The following KCND2 variants were observed in gnomAD, a reference collection of about 807,000 sequenced individuals.
The protein encoded by KCND2 is potassium voltage-gated channel subfamily D member 2, also known as A-type voltage-gated potassium channel KCND2.
A neutral mutation model predicts 54.4 loss-of-function variants in KCND2; 16 were observed. The observed-to-expected ratio is 0.29, with a 90% confidence interval of 0.20 to 0.45. The LOEUF (loss-of-function observed/expected upper bound fraction) is 0.45, where lower values mean the gene tolerates loss of function less well. Among genes scored for constraint, KCND2 ranks in the 20% least tolerant of loss-of-function variants. The pLI is 1.00. For missense variants in KCND2, 486 were observed against 824.2 expected, an observed-to-expected ratio of 0.59 and a Z score of 5.02; for synonymous variants, 317 against 310.7, an observed-to-expected ratio of 1.02 and a Z score of -0.21.
At chr7:120,507,771 C>G (rs1687936159) in intron 1 of KCND2, among the ~76,000 whole-genome samples, 2 of 151,818 alleles carry the variant, frequency 1.3e-5, no homozygotes, top group Admixed American at 1.3e-4. Context: ...TAACATAAAA[C>G]ACTGTTATTT....
intron 1 of KCND2, among the ~76,000 whole-genome samples, chr7:120,446,583 G>A (rs983763031): frequency 6.6e-6 from 1 of 151,428 alleles, no homozygotes; most frequent in African/African-American, 2.4e-5. Context: ...CACATACACT[G>A]ATACACTCAT....
At chr7:120,332,286 T>C (rs1800080813) in intron 1 of KCND2, among the ~76,000 whole-genome samples, 1 of 152,090 alleles carries the variant, frequency 6.6e-6, no homozygotes, top group Admixed American at 6.5e-5. Context: ...GGAATCATTT[T>C]AAAATGTTCA....
At chr7:120,467,922 G>C (rs1458988679) in intron 1 of KCND2, among the ~76,000 whole-genome samples, 3 of 152,034 alleles carry the variant, frequency 2.0e-5, no homozygotes, top group Non-Finnish European at 4.4e-5. Flanking sequence ...TACTTCTGTA[G>C]TATTTTTGTA....
chr7:120,525,707 T>A (rs1791763724), intron 1 of KCND2, among the ~76,000 whole-genome samples: 1 of 152,184 alleles, frequency 6.6e-6, no homozygotes, highest in African/African-American at 2.4e-5. Flanking sequence ...GAACACAATG[T>A]GCCTAGCGTA....
At chr7:120,326,605 T>C (rs1470094791) in intron 1 of KCND2, among the ~76,000 whole-genome samples, 2 of 152,114 alleles carry the variant, frequency 1.3e-5, no homozygotes, top group Non-Finnish European at 2.9e-5. Context: ...AAGAAAGTTG[T>C]GCAGATAATT....
intron 1 of KCND2, among the ~76,000 whole-genome samples, chr7:120,318,150 T>A (rs1799840845): frequency 6.6e-6 from 1 of 152,104 alleles, no homozygotes; most frequent in Non-Finnish European, 1.5e-5. Flanking sequence ...TGGCTTCAGT[T>A]CTCACATCTA....
chr7:120,287,702 A>G (rs1449175156), intron 1 of KCND2, among the ~76,000 whole-genome samples: 1 of 151,984 alleles, frequency 6.6e-6, no homozygotes, highest in Non-Finnish European at 1.5e-5. Flanking sequence ...AAAATACACA[A>G]GCATGGTGGA....
intron 1 of KCND2, among the ~76,000 whole-genome samples, chr7:120,619,926 C>T (rs1242788609): frequency 2.0e-5 from 3 of 152,016 alleles, no homozygotes; most frequent in Non-Finnish European, 2.9e-5. Context: ...TCCCTAGTCA[C>T]GATGGTATGT....
chr7:120,557,109 A>G (rs1248055760), intron 1 of KCND2, among the ~76,000 whole-genome samples: 1 of 152,124 alleles, frequency 6.6e-6, no homozygotes, highest in Non-Finnish European at 1.5e-5. Context: ...TTATCAAAAC[A>G]TTTTGTGTGT....
intron 1 of KCND2, among the ~76,000 whole-genome samples, chr7:120,502,066 T>C (rs1467906431): frequency 6.6e-6 from 1 of 152,084 alleles, no homozygotes; most frequent in Non-Finnish European, 1.5e-5. Context: ...CTAATGCCTC[T>C]TTAAAATTTA....
At position 120,747,900 on chromosome 7, in the gene KCND2, T is replaced by G. The variant is rs1172299110; in HGVS notation, c.*42T>G. 6.9e-7 allele frequency: 1 copy of G among 1,440,638 alleles called. No homozygotes were observed. Among genetic ancestry groups the G allele is most frequent in the African/African-American group, 1.4e-5 (1 of 71,350 alleles). The allele number at this position is 1,440,638 out of a possible 1,614,324, so 89.2% of individuals were successfully genotyped here. A position where few individuals can be genotyped will look rare whatever the true frequency, so the allele number is the denominator to read the frequency against. On this transcript the variant is annotated 3_prime_UTR_variant, in exon 6 of 6. Transcript: ENST00000331113. Reference sequence around the variant, plus strand: ...TCTAAGAGAATTCGAGCCCTGGCTGTGAAAAGAATCTCAACATAGAAGAAA... The same window carrying G: ...TCTAAGAGAATTCGAGCCCTGGCTGGGAAAAGAATCTCAACATAGAAGAAA...
rs77887062 is a variant in KCND2, at chr7:120,522,316, A to G, written c.1116-210587A>G. Among the ~76,000 whole-genome samples the G allele has an allele frequency of 2.1e-3, 321 of 152,310 alleles. 5 individuals carry two copies. The East Asian group carries it at 0.054, about 26-fold the overall frequency. On this transcript the variant is annotated intron_variant, in intron 1 of 5. Transcript: ENST00000331113. ...TAATCTACCCAGTTGGACACAAAGTACAGTATTAGAAAACAATGCACAAAG... is the reference window on the plus strand; with the variant it reads ...TAATCTACCCAGTTGGACACAAAGTGCAGTATTAGAAAACAATGCACAAAG...
At chr7:120,532,482 G>A (rs1791854991) in intron 1 of KCND2, among the ~76,000 whole-genome samples, 1 of 151,772 alleles carries the variant, frequency 6.6e-6, no homozygotes, top group African/African-American at 2.4e-5. Context: ...TTTGTATTTT[G>A]TAATAAAAAT....
intron 1 of KCND2, among the ~76,000 whole-genome samples, chr7:120,688,225 C>T (rs1792228353): frequency 1.3e-5 from 2 of 152,250 alleles, no homozygotes; most frequent in South Asian, 4.1e-4. Context: ...GGTCTACAAA[C>T]TTTTTCTGTT....
intron 1 of KCND2, among the ~76,000 whole-genome samples, chr7:120,342,434 C>A (rs73431934): frequency 0.012 from 1,769 of 152,226 alleles, 41 homozygotes; most frequent in African/African-American, 0.04. Context: ...TAAACAATTT[C>A]TATTTCTATC....
At chr7:120,501,849 C>T (rs570530150) in intron 1 of KCND2, among the ~76,000 whole-genome samples, 6 of 152,004 alleles carry the variant, frequency 3.9e-5, no homozygotes, top group East Asian at 3.9e-4. Context: ...ATTTAATTTT[C>T]GTTAAATATT....
intron 1 of KCND2, among the ~76,000 whole-genome samples, chr7:120,383,325 T>C (rs1800939168): frequency 6.6e-6 from 1 of 152,030 alleles, no homozygotes; most frequent in Non-Finnish European, 1.5e-5. Context: ...GCATTTACTC[T>C]AAATTGTCTT....
intron 1 of KCND2, among the ~76,000 whole-genome samples, chr7:120,349,326 A>AC (rs1491467258): frequency 2.8e-4 from 30 of 107,442 alleles, no homozygotes; most frequent in Non-Finnish European, 4.5e-4. Flanking sequence ...ACACACACAC[A>AC]AACACACACA....
chr7:120,559,742 G>A (rs552529278), intron 1 of KCND2, among the ~76,000 whole-genome samples: 1 of 152,238 alleles, frequency 6.6e-6, no homozygotes, highest in African/African-American at 2.4e-5. Flanking sequence ...ATGATACAGT[G>A]AGCTGCCATA....
Sources: allele counts gnomAD v4.1 joint callset (sites outside exome capture counted in the v4.1 genomes callset), GRCh38; gene constraint gnomAD v4.1.1; transcripts MANE v1.5; gene names NCBI Gene and HGNC (gene_info 2026-07-23, HGNC 2026-07-21).